The following B3GALNT1 variants were observed in gnomAD, a reference collection of about 807,000 sequenced individuals.
B3GALNT1 encodes UDP-GalNAc:beta-1,3-N-acetylgalactosaminyltransferase 1.
Under a neutral mutation model 27.3 loss-of-function variants are expected in B3GALNT1, and 17 were observed. The ratio of observed to expected loss-of-function variants is 0.62; its 90% CI spans 0.43 to 0.94. The LOEUF (loss-of-function observed/expected upper bound fraction) is 0.94. Among genes scored for constraint, B3GALNT1 ranks in the 40% least tolerant of loss-of-function variants. B3GALNT1 has a pLI of 0.00. For synonymous variants in B3GALNT1, 141 were observed against 144.0 expected (o/e 0.98, Z 0.15); for missense variants, 347 against 390.0 (o/e 0.89, Z 0.93).
chr3:161,098,107 G>A (rs754432739), intron 4 of B3GALNT1, among the ~76,000 whole-genome samples: 6 of 152,156 alleles, frequency 3.9e-5, no homozygotes, highest in Non-Finnish European at 5.9e-5. Context: ...TCCTGGCACT[G>A]TAGTAAGTAT....
chr3:161,091,343 A>C (rs1724994761), intron 4 of B3GALNT1, among the ~76,000 whole-genome samples: 1 of 152,216 alleles, frequency 6.6e-6, no homozygotes, highest in African/African-American at 2.4e-5. Flanking sequence ...TTACCCCTGC[A>C]GTTTCCTGGC....
In B3GALNT1 at chr3:161,085,840, C is replaced by T. The variant is rs1325301797; in HGVS notation, c.915G>A (p.Val305=). 25 of 1,614,038 alleles carry T rather than the reference C, an allele frequency of 1.5e-5. No individual in the cohort carries two copies. Among genetic ancestry groups the T allele is most frequent in the Non-Finnish European group, 2.1e-5 (25 of 1,180,032 alleles). Residue 305 remains valine (V), a synonymous_variant, in exon 5 of 5, where the codon GTG becomes GTA. Transcript: ENST00000320474. ...TGGAAGAAAAGCCATGGGCTGCAAT[C>T]ACACGTCTCAGTTGACAGACATCCA... ...IHLDVCQLRR[V]IAAHGFSSKE...
chr3:161,086,863 T>A, intron 4 of B3GALNT1, 75 bp from the exon 5 acceptor site: 1 of 1,444,058 alleles, frequency 6.9e-7, no homozygotes. Flanking sequence ...GACTATCTAC[T>A]CAAGGAGAAA....
chr3:161,088,642 T>C (rs902362708), intron 4 of B3GALNT1, among the ~76,000 whole-genome samples: 12 of 152,356 alleles, frequency 7.9e-5, no homozygotes, highest in African/African-American at 2.9e-4. Context: ...TCTCCTCACC[T>C]GGCTACTGGG....
In B3GALNT1 at chr3:161,085,709, C is replaced by T. The variant is rs375787783; in HGVS notation, c.*50G>A. ...TTTCCACAGTACCTACTTTATTTAA[C>T]ACTTTCCACAAAGTATCCTGTCCTT... On this transcript the variant is annotated 3_prime_UTR_variant, in exon 5 of 5. Coordinates refer to ENST00000320474, the MANE Select transcript of B3GALNT1 (RefSeq NM_003781.4). 219 of 1,599,862 alleles carry T rather than the reference C, an allele frequency of 1.4e-4. No homozygotes were observed. The highest frequency in any genetic ancestry group is 1.8e-4 in the Non-Finnish European group (206 of 1,167,358).
intron 4 of B3GALNT1, among the ~76,000 whole-genome samples, chr3:161,094,211 T>C (rs1947686): frequency 0.2 from 30,385 of 152,090 alleles, 3,103 homozygotes; most frequent in East Asian, 0.26. Context: ...CAGAGCTGCT[T>C]TGAGTTTTAA....
At chr3:161,102,651 T>A (rs1560016605) in intron 3 of B3GALNT1, among the ~76,000 whole-genome samples, 1 of 152,208 alleles carries the variant, frequency 6.6e-6, no homozygotes, top group Non-Finnish European at 1.5e-5. Flanking sequence ...AACTTTTGAA[T>A]GTATCTGTTG....
Position 161,092,022 on chromosome 3 carries a change from T to C in B3GALNT1, c.-34-5234A>G, listed in dbSNP as rs1235092314. On this transcript the variant is annotated intron_variant, in intron 4 of 4. Transcript: ENST00000320474. Reference sequence around the variant, plus strand: ...AAAATATAAACTTTACATTGGAGGATCAGGGTGTCACCATTCTAACCCAAT... The same window carrying C: ...AAAATATAAACTTTACATTGGAGGACCAGGGTGTCACCATTCTAACCCAAT... 3.9e-5 allele frequency among the ~76,000 whole-genome samples: 6 copies of C among 152,300 alleles called. No individual in the cohort carries two copies. In the South Asian group the frequency reaches 1.2e-3, roughly 32 times the overall value.
intron 4 of B3GALNT1, 80 bp from the exon 5 acceptor site, chr3:161,086,868 G>A: frequency 7.1e-7 from 1 of 1,411,414 alleles, no homozygotes; most frequent in Non-Finnish European, 9.8e-7. Flanking sequence ...TCTACTCAAG[G>A]AGAAAGAGTA....
In B3GALNT1 at chr3:161,085,680, G is replaced by GA. The variant is rs934967932; in HGVS notation, c.*78dup. The GA allele has an allele frequency of 1.3e-6, 2 of 1,534,312 alleles. No individual in the cohort carries two copies. The highest frequency in any genetic ancestry group is 2.7e-5 in the African/African-American group (2 of 73,150). ...TAAGCCAGCACACTGACCTCCCCATGAATTTTCCACAGTACCTACTTTATT... is the reference window on the plus strand; with the variant it reads ...TAAGCCAGCACACTGACCTCCCCATGAAATTTTCCACAGTACCTACTTTATT... On this transcript the variant is annotated 3_prime_UTR_variant, in exon 5 of 5. Transcript: ENST00000320474.
At chr3:161,102,892 A>G (rs1463772185) in intron 3 of B3GALNT1, among the ~76,000 whole-genome samples, 2 of 152,226 alleles carry the variant, frequency 1.3e-5, no homozygotes, top group Non-Finnish European at 2.9e-5. Flanking sequence ...GGCTGGGCAC[A>G]AGAAGAAGAG....
chr3:161,100,067 TTCAAA>T lies in B3GALNT1; in HGVS notation c.-35+1067_-35+1071del, dbSNP rs35597038. On this transcript the variant is annotated intron_variant, in intron 4 of 4. Transcript: ENST00000320474. ...GCTTAGAAGTGCCATGGTAGATACT[TTCAAA>T]TTATTTTGAATAATAAAATATGTAA... Among the ~76,000 whole-genome samples, 686 of 152,302 alleles carry T rather than the reference TTCAAA, an allele frequency of 4.5e-3. 5 individuals are homozygous for T. Among genetic ancestry groups the T allele is most frequent in the African/African-American group, 0.015 (633 of 41,570 alleles).
chr3:161,099,101 G>T (rs1576746856), intron 4 of B3GALNT1, among the ~76,000 whole-genome samples: 1 of 152,158 alleles, frequency 6.6e-6, no homozygotes, highest in Non-Finnish European at 1.5e-5. Context: ...CATTTCTTGG[G>T]CTTGTGCTGG....
rs1375717827 is a variant in B3GALNT1, at chr3:161,084,187, C to T, written c.*1572G>A. On this transcript the variant is annotated 3_prime_UTR_variant, in exon 5 of 5. Transcript: ENST00000320474. ...AAATCTAACCATGCCACAAAAATAA[C>T]TACCACCATCTGTCTTAAAGAACGT... The T allele has an allele frequency of 6.6e-6, 1 of 152,188 alleles. No homozygotes were observed. The highest frequency in any genetic ancestry group is 1.5e-5 in the Non-Finnish European group (1 of 68,030). The allele number at this position is 152,188 out of a possible 1,614,324, so 9.4% of individuals were successfully genotyped here.
chr3:161,092,283 G>A (rs1360191497), intron 4 of B3GALNT1, among the ~76,000 whole-genome samples: 1 of 152,048 alleles, frequency 6.6e-6, no homozygotes, highest in Admixed American at 6.6e-5. Context: ...TAAATGAATT[G>A]GATTTGTATA....
intron 4 of B3GALNT1, among the ~76,000 whole-genome samples, chr3:161,097,868 C>T (rs1729034014): frequency 6.6e-6 from 1 of 152,166 alleles, no homozygotes; most frequent in Admixed American, 6.5e-5. Context: ...TTACATTTTT[C>T]TCCTTACTTT....
At chr3:161,097,805 T>C (rs948592534) in intron 4 of B3GALNT1, among the ~76,000 whole-genome samples, 3 of 152,218 alleles carry the variant, frequency 2.0e-5, no homozygotes, top group African/African-American at 2.4e-5. Context: ...GTAGTGCGTG[T>C]GATATTCAAG....
intron 4 of B3GALNT1, among the ~76,000 whole-genome samples, chr3:161,098,384 GTTC>G (rs751134638): frequency 2.0e-4 from 30 of 152,240 alleles, no homozygotes; most frequent in Non-Finnish European, 3.8e-4. Context: ...CAGCACCTCT[GTTC>G]TTCTTCAGAG....
At position 161,086,244 on chromosome 3, in the gene B3GALNT1, G is replaced by A. The variant is rs1450210255; in HGVS notation, c.511C>T (p.Pro171Ser). 6.2e-7 allele frequency: 1 copy of A among 1,614,032 alleles called. No homozygotes were observed. Among genetic ancestry groups the A allele is most frequent in the East Asian group, 2.2e-5 (1 of 44,866 alleles). The change falls in exon 5 of 5, where the codon CCC becomes TCC. Residue 171 changes from proline to serine, a missense_variant. Transcript: ENST00000320474. ...GTCTTCATTACGTACTTGGCATTGG[G>A]GCAAAACTCAGTTACCCACCTGAAT... ...MAFRWVTEFC[P>S]NAKYVMKTDT... is the part of the protein sequence containing the mutation.
Sources: allele counts gnomAD v4.1 joint callset (sites outside exome capture counted in the v4.1 genomes callset), GRCh38; gene constraint gnomAD v4.1.1; transcripts MANE v1.5; gene names NCBI Gene and HGNC (gene_info 2026-07-23, HGNC 2026-07-21).